FAM107A: variants seen among roughly 807,000 people sequenced by gnomAD.
FAM107A encodes the protein family with sequence similarity 107 member A.
FAM107A carries 19 observed loss-of-function variants against 13.7 expected under a neutral mutation model. That is an observed-to-expected ratio of 1.38 (90% confidence interval 0.97 to 2.03). The LOEUF is 2.03. Ranked by LOEUF, FAM107A falls within the 30% of genes most tolerant of loss-of-function variation. FAM107A has a pLI of 0.00. For missense variants in FAM107A, 203 were observed against 184.4 expected, an observed-to-expected ratio of 1.10 and a Z score of -0.58; for synonymous variants, 82 against 74.5, an observed-to-expected ratio of 1.10 and a Z score of -0.52.
Position 58,606,903 on chromosome 3 carries a change from A to G in FAM107A, c.-69-17634T>C, listed in dbSNP as rs111574885. The stretch of plus-strand genomic sequence containing the variant: ...AATCTTGTAGCTGCTGGGAGTTTCC[A>G]TGAAGGGGGACTGGCCCAGGAATGA... On this transcript the variant is annotated intron_variant, in intron 1 of 3. Transcript: ENST00000465970. 1.3e-3 allele frequency among the ~76,000 whole-genome samples: 201 copies of G among 152,214 alleles called. 3 individuals carry two copies. The highest frequency in any genetic ancestry group is 4.6e-3 in the African/African-American group (191 of 41,514).
upstream of FAM107A, chr3:58,587,225 C>T: frequency 1.4e-6 from 1 of 722,702 alleles, no homozygotes; most frequent in Non-Finnish European, 1.9e-6. Context: ...AAGGCGAGAA[C>T]ACAGTGTCCT....
intron 1 of FAM107A, among the ~76,000 whole-genome samples, chr3:58,607,466 A>G (rs1445468631): frequency 1.3e-5 from 2 of 151,824 alleles, no homozygotes; most frequent in Non-Finnish European, 2.9e-5. Context: ...GTGGTCCTCT[A>G]CCTCTCCAGA....
intron 2 of FAM107A, among the ~76,000 whole-genome samples, chr3:58,568,795 T>C (rs1054663807): frequency 6.6e-6 from 1 of 152,218 alleles, no homozygotes; most frequent in Non-Finnish European, 1.5e-5. Context: ...GTTCACGCTG[T>C]TACTGGTTAG....
intron 1 of FAM107A, among the ~76,000 whole-genome samples, chr3:58,601,061 C>T (rs1244765210): frequency 6.6e-6 from 1 of 152,154 alleles, no homozygotes. Context: ...TACACAGTGC[C>T]TGGCACATAA....
chr3:58,569,621 AG>A lies in FAM107A; in HGVS notation c.170+69del. 2 of 1,339,712 alleles carry A rather than the reference AG, an allele frequency of 1.5e-6. No homozygotes were observed. The highest frequency in any genetic ancestry group is 4.2e-5 in the Admixed American group (2 of 47,284). The allele number at this position is 1,339,712 out of a possible 1,614,324, so 83.0% of individuals were successfully genotyped here. A position where few individuals can be genotyped will look rare whatever the true frequency, so the allele number is the denominator to read the frequency against. On this transcript the variant is annotated intron_variant, in intron 2 of 3. Coordinates refer to ENST00000360997, the MANE Select transcript of FAM107A (RefSeq NM_001076778.3). The surrounding 1 kb of genome is among the most constrained non-coding windows in gnomAD (Gnocchi z 5.7). Reference sequence around the variant, plus strand: ...ATGAAAGCCAGCTCTGCTTTCCTCCAGGGTCACCTTCCCCATCCCCCACAGG... The same window carrying A: ...ATGAAAGCCAGCTCTGCTTTCCTCCAGGTCACCTTCCCCATCCCCCACAGG...
At chr3:58,575,089 C>G (rs1011781148) in intron 1 of FAM107A, among the ~76,000 whole-genome samples, 3 of 152,196 alleles carry the variant, frequency 2.0e-5, no homozygotes, top group Admixed American at 2.0e-4. Context: ...TTCCACTTGC[C>G]TCTCCACTGT....
chr3:58,569,834 C>T lies in FAM107A; in HGVS notation c.27G>A (p.Arg9=), dbSNP rs2063663679. Residue 9 remains arginine (R), a synonymous_variant, in exon 2 of 4, where the codon CGG becomes CGA. Coordinates refer to ENST00000360997, the MANE Select transcript of FAM107A (RefSeq NM_001076778.3). This position sits in a 1 kb window ranked among gnomAD's most constrained non-coding sequence, Gnocchi z 5.7. ...GGGCCATCAGGCCCCCAATGTCTGC[C>T]CGCTCCCTCTGGATCTCCGAGTACA... The part of the protein sequence containing the change: MYSEIQRE[R]ADIGGLMARP... The T allele has an allele frequency of 1.2e-6, 2 of 1,613,990 alleles. No homozygotes were observed. Among genetic ancestry groups the T allele is most frequent in the Admixed American group, 1.7e-5 (1 of 60,004 alleles).
Position 58,612,049 on chromosome 3 carries a change from C to T in FAM107A, c.-70+15367G>A, listed in dbSNP as rs552655008. On this transcript the variant is annotated intron_variant, in intron 1 of 3. Transcript: ENST00000465970. Reference sequence around the variant, plus strand: ...TAAGGATCTGACAAGGCCATGTTCTCTCTCTCTTTGGAAAGTCTACATGTC... The same window carrying T: ...TAAGGATCTGACAAGGCCATGTTCTTTCTCTCTTTGGAAAGTCTACATGTC... Among the ~76,000 whole-genome samples the T allele has an allele frequency of 1.6e-4, 24 of 152,076 alleles. No individual in the cohort carries two copies. The South Asian group carries it at 5.0e-3, about 32-fold the overall frequency.
upstream of FAM107A, among the ~76,000 whole-genome samples, chr3:58,591,736 C>A (rs974365973): frequency 5.3e-5 from 8 of 152,186 alleles, no homozygotes; most frequent in Non-Finnish European, 1.0e-4. The surrounding 1 kb of genome is among the most constrained non-coding windows in gnomAD (Gnocchi z 4.3). Flanking sequence ...TAATACTTCC[C>A]ACCTAATTAT....
chr3:58,594,932 C>A (rs1483248198), intron 1 of FAM107A, among the ~76,000 whole-genome samples: 2 of 152,176 alleles, frequency 1.3e-5, no homozygotes, highest in Non-Finnish European at 2.9e-5. Flanking sequence ...CCTTCCAATT[C>A]TTAGTCCTTT....
At chr3:58,586,773 C>T in intron 1 of FAM107A, 3 of 1,325,816 alleles carry the variant, frequency 2.3e-6, no homozygotes, top group Non-Finnish European at 2.9e-6. Flanking sequence ...CGCCCAGCGG[C>T]GGACTGGCCA....
chr3:58,604,845 C>A lies in FAM107A; in HGVS notation c.-69-15576G>T, dbSNP rs2065779850. 3.3e-5 allele frequency among the ~76,000 whole-genome samples: 5 copies of A among 152,106 alleles called. No homozygotes were observed. The South Asian group carries it at 1.0e-3, about 31-fold the overall frequency. On this transcript the variant is annotated intron_variant, in intron 1 of 3. Transcript: ENST00000465970. The surrounding 1 kb of genome is among the most constrained non-coding windows in gnomAD (Gnocchi z 4.1). ...AGGATCACATTTTCCTGTCTCTTTG[C>A]ATGTCTAAACAATTTTGATTGTATA...
At chr3:58,595,022 G>T (rs914542430) in intron 1 of FAM107A, among the ~76,000 whole-genome samples, 1 of 151,888 alleles carries the variant, frequency 6.6e-6, no homozygotes, top group Non-Finnish European at 1.5e-5. Context: ...CAGCATCCAG[G>T]CCATCACCAA....
chr3:58,610,767 C>T (rs1171190161), intron 1 of FAM107A, among the ~76,000 whole-genome samples: 5 of 152,352 alleles, frequency 3.3e-5, no homozygotes, highest in Non-Finnish European at 5.9e-5. Context: ...CTGGTTGAAG[C>T]AGTGGCTGGT....
intron 1 of FAM107A, among the ~76,000 whole-genome samples, chr3:58,614,246 TTTTTTTG>T (rs1446440419): frequency 6.6e-6 from 1 of 152,122 alleles, no homozygotes; most frequent in Non-Finnish European, 1.5e-5. Flanking sequence ...CTGCTTAGGG[TTTTTTTG>T]TTTTTTGTTT....
intron 1 of FAM107A, among the ~76,000 whole-genome samples, chr3:58,622,431 A>G (rs369281057): frequency 3.9e-4 from 58 of 147,288 alleles, no homozygotes; most frequent in African/African-American, 1.3e-3. Context: ...ACAGGGCGAG[A>G]CTCTGTACTA....
chr3:58,585,682 C>A (rs898806980), intron 1 of FAM107A, among the ~76,000 whole-genome samples: 9 of 152,220 alleles, frequency 5.9e-5, no homozygotes, highest in Non-Finnish European at 7.3e-5. Context: ...AGTCCCTTGA[C>A]GCTTTGTAAT....
chr3:58,589,897 G>A (rs1318327481), upstream of FAM107A, among the ~76,000 whole-genome samples: 2 of 152,094 alleles, frequency 1.3e-5, no homozygotes, highest in African/African-American at 2.4e-5. Context: ...TTGAGCTCAC[G>A]CCCATGCTGT....
At chr3:58,626,246 T>A (rs2066015485) in intron 1 of FAM107A, among the ~76,000 whole-genome samples, 1 of 152,122 alleles carries the variant, frequency 6.6e-6, no homozygotes, top group African/African-American at 2.4e-5. Context: ...TGATGGGCCA[T>A]GAGAAAGTGA....
Sources: gnomAD v4.1 joint callset for allele counts (sites outside exome capture counted in the v4.1 genomes callset) on GRCh38, gnomAD v4.1.1 for gene constraint, Gnocchi (gnomAD v3.1) non-coding constraint, MANE v1.5 for transcripts, NCBI Gene and HGNC (gene_info 2026-07-23, HGNC 2026-07-21) for gene names.